Variants in PDE4D observed in about 807,000 individuals in gnomAD.
The protein encoded by PDE4D is phosphodiesterase 4D.
PDE4D carries 24 observed loss-of-function variants against 87.4 expected under a neutral mutation model. That is an observed-to-expected ratio of 0.27 (90% CI 0.20 to 0.39). PDE4D has a LOEUF of 0.39. PDE4D is among the 10% of genes least tolerant of loss of function. The pLI, the probability that PDE4D is intolerant of heterozygous loss-of-function variation, is 1.00. For missense variants in PDE4D, 714 were observed against 1,041.0 expected (o/e 0.69, Z 4.32); for synonymous variants, 384 against 383.2 (o/e 1.00, Z -0.02).
Position 59,893,549 on chromosome 5 carries a change from G to A in PDE4D, c.74C>T (p.Thr25Met). 3 of 1,538,868 alleles carry A rather than the reference G, an allele frequency of 1.9e-6. No homozygotes were observed. The highest frequency in any genetic ancestry group is 2.5e-5 in the East Asian group (1 of 39,874). Residue 25 changes from threonine to methionine, a missense_variant, in exon 1 of 15, where the codon ACG (threonine) becomes ATG (methionine). Around this residue, in one of 7 missense-constraint regions of PDE4D, gnomAD observed 268 missense variants for 272.9 expected, o/e 0.98. Coordinates refer to ENST00000340635, the MANE Select transcript of PDE4D (RefSeq NM_001104631.2). ...GEGSDSAGGA[T>M]LKAPKHLWRH... Reference sequence around the variant, plus strand: ...CCAGAGATGCTTGGGGGCTTTGAGCGTGGCCCCGCCGGCGCTGTCGCTGCC... The same window carrying A: ...CCAGAGATGCTTGGGGGCTTTGAGCATGGCCCCGCCGGCGCTGTCGCTGCC...
At chr5:58,988,003 A>T (rs979675346) in intron 11 of PDE4D, among the ~76,000 whole-genome samples, 3 of 152,314 alleles carry the variant, frequency 2.0e-5, no homozygotes, top group Non-Finnish European at 2.9e-5. Context: ...AGAAAAAACC[A>T]AATGGTTGAA....
chr5:60,138,618 AT>A (rs141395249), intron 2 of PDE4D, among the ~76,000 whole-genome samples: 6,061 of 152,110 alleles, frequency 0.04, 403 homozygotes, highest in African/African-American at 0.14. Flanking sequence ...TGCTTATGTT[AT>A]TCTTTGAATT....
At chr5:59,578,906 C>G (rs1021570559) in intron 1 of PDE4D, among the ~76,000 whole-genome samples, 1 of 152,088 alleles carries the variant, frequency 6.6e-6, no homozygotes, top group Non-Finnish European at 1.5e-5. Flanking sequence ...GTGTTCTTCA[C>G]TAGCTACTGT....
At chr5:59,242,072 A>G (rs1757801849) in intron 1 of PDE4D, among the ~76,000 whole-genome samples, 1 of 152,144 alleles carries the variant, frequency 6.6e-6, no homozygotes, top group South Asian at 2.1e-4. Context: ...TGAATTTTCT[A>G]TATATGTATG....
intron 1 of PDE4D, among the ~76,000 whole-genome samples, chr5:60,269,698 C>A (rs1489494128): frequency 6.6e-6 from 1 of 152,172 alleles, no homozygotes; most frequent in African/African-American, 2.4e-5. Flanking sequence ...AAGAGTAGAT[C>A]TCAAATGTTC....
At chr5:59,535,842 G>A (rs571305164) in intron 1 of PDE4D, among the ~76,000 whole-genome samples, 1 of 152,276 alleles carries the variant, frequency 6.6e-6, no homozygotes, top group Admixed American at 6.5e-5. Flanking sequence ...TTTTCTTCCA[G>A]GAAGTTTATA....
intron 1 of PDE4D, among the ~76,000 whole-genome samples, chr5:59,274,318 G>C (rs1764400554): frequency 6.6e-6 from 1 of 152,090 alleles, no homozygotes; most frequent in Non-Finnish European, 1.5e-5. Flanking sequence ...TCTTGTTTCT[G>C]GTTGACTGTA....
In PDE4D at chr5:60,293,314, AC is replaced by A. The variant is rs541558338; in HGVS notation, c.-89-107628del. On this transcript the variant is annotated intron_variant, in intron 1 of 16. Coordinates refer to the PDE4D transcript ENST00000502484. ...GCGATCACAAGGTCAGGAGATCAAG[AC>A]CATCCTGGCTAACACGGTGAAACCC... is the stretch of plus-strand genomic sequence containing the variant. 9.9e-5 allele frequency among the ~76,000 whole-genome samples: 15 copies of A among 152,112 alleles called. No individual in the cohort carries two copies. In the South Asian group the frequency reaches 3.1e-3, roughly 32 times the overall value.
chr5:59,322,738 G>A (rs1774935595), intron 1 of PDE4D, among the ~76,000 whole-genome samples: 1 of 152,008 alleles, frequency 6.6e-6, no homozygotes, highest in Non-Finnish European at 1.5e-5. Context: ...ATAAACTGAG[G>A]CCTTACAAAG....
At chr5:59,064,892 C>T (rs151037926) in intron 5 of PDE4D, among the ~76,000 whole-genome samples, 67 of 151,992 alleles carry the variant, frequency 4.4e-4, no homozygotes, top group African/African-American at 1.5e-3. Flanking sequence ...GCCCTACTTT[C>T]GAAACAGGAA....
chr5:60,337,353 ATATATATATATATATATAT>A (rs1757874812), intron 1 of PDE4D, among the ~76,000 whole-genome samples: 3 of 86,262 alleles, frequency 3.5e-5, no homozygotes, highest in African/African-American at 4.3e-5. Context: ...CAAACAAACT[ATATATATATATATATATAT>A]ATATATATAT....
intron 1 of PDE4D, among the ~76,000 whole-genome samples, chr5:59,382,368 T>C (rs1786046779): frequency 6.6e-6 from 1 of 152,158 alleles, no homozygotes; most frequent in Admixed American, 6.6e-5. Context: ...AAAAAAGTGA[T>C]ACCATACCTC....
intron 1 of PDE4D, among the ~76,000 whole-genome samples, chr5:59,838,409 T>C (rs900591555): frequency 4.6e-5 from 7 of 152,048 alleles, no homozygotes; most frequent in Non-Finnish European, 8.8e-5. Flanking sequence ...AGTCCAGGGG[T>C]GTTTCCACCA....
chr5:60,455,004 T>A (rs998239548), intron 1 of PDE4D, among the ~76,000 whole-genome samples: 2 of 151,258 alleles, frequency 1.3e-5, no homozygotes, highest in African/African-American at 4.9e-5. Flanking sequence ...GGGAACAGGG[T>A]GAGGAATTTA....
intron 1 of PDE4D, chr5:60,459,778 A>G: frequency 2.1e-6 from 1 of 474,584 alleles, no homozygotes; most frequent in Non-Finnish European, 4.0e-6. Context: ...GAAAAAGAAA[A>G]GACTGGAACT....
intron 3 of PDE4D, among the ~76,000 whole-genome samples, chr5:59,946,758 C>T (rs1288146928): frequency 6.6e-6 from 1 of 152,160 alleles, no homozygotes; most frequent in Non-Finnish European, 1.5e-5. Context: ...CACTCTCTAA[C>T]TGATAAACTG....
intron 5 of PDE4D, among the ~76,000 whole-genome samples, chr5:59,158,772 C>A (rs1306793296): frequency 6.6e-6 from 1 of 152,158 alleles, no homozygotes; most frequent in Admixed American, 6.5e-5. Flanking sequence ...GAGAGCTAGG[C>A]AGAGCTGGGA....
chr5:59,058,319 G>A (rs1249597309), intron 5 of PDE4D, among the ~76,000 whole-genome samples: 2 of 152,108 alleles, frequency 1.3e-5, no homozygotes, highest in Non-Finnish European at 2.9e-5. Context: ...TGTTCCAGGG[G>A]AGAGAAATCC....
intron 1 of PDE4D, among the ~76,000 whole-genome samples, chr5:59,569,033 A>G (rs1224021895): frequency 6.6e-6 from 1 of 152,160 alleles, no homozygotes; most frequent in Non-Finnish European, 1.5e-5. Context: ...TGCAAATCTA[A>G]AGCTGTTTTA....
Sources: gnomAD v4.1 joint callset for allele counts (sites outside exome capture counted in the v4.1 genomes callset) on GRCh38, gnomAD v4.1.1 for gene constraint, gnomAD v4.1.1 regional missense constraint, MANE v1.5 for transcripts, NCBI Gene and HGNC (gene_info 2026-07-23, HGNC 2026-07-21) for gene names.